Variants in SERGEF observed in about 807,000 individuals in gnomAD.
SERGEF encodes the protein secretion-regulating guanine nucleotide exchange factor.
In SERGEF, 51 loss-of-function variants were observed where a neutral mutation model predicts 50.0. That is an observed-to-expected ratio of 1.02 (90% CI 0.81 to 1.29). SERGEF has a LOEUF of 1.29. Ranked by LOEUF, SERGEF falls within the 50% of genes most tolerant of loss-of-function variation. SERGEF has a pLI of 0.00. For missense variants in SERGEF, 521 were observed against 557.0 expected, an observed-to-expected ratio of 0.94 and a Z score of 0.65; for synonymous variants, 205 against 212.4, an observed-to-expected ratio of 0.97 and a Z score of 0.30.
At chr11:17,833,636 C>T (rs900405798) in intron 10 of SERGEF, among the ~76,000 whole-genome samples, 3 of 152,202 alleles carry the variant, frequency 2.0e-5, no homozygotes, top group African/African-American at 4.8e-5. Context: ...AAGAGGGAGG[C>T]GGTACCCTGC....
chr11:17,989,575 A>C (rs986088333), intron 7 of SERGEF, among the ~76,000 whole-genome samples: 4 of 152,230 alleles, frequency 2.6e-5, no homozygotes, highest in Non-Finnish European at 5.9e-5. Flanking sequence ...ACATTCAAAA[A>C]TATTTTGTAA....
intron 10 of SERGEF, among the ~76,000 whole-genome samples, chr11:17,877,137 C>T (rs908448103): frequency 1.2e-4 from 18 of 152,286 alleles, no homozygotes; most frequent in African/African-American, 3.6e-4. Context: ...TGCTGTGAAT[C>T]GGCAAGAAAT....
At chr11:17,990,272 T>C (rs547848015) in intron 7 of SERGEF, among the ~76,000 whole-genome samples, 2 of 152,328 alleles carry the variant, frequency 1.3e-5, no homozygotes, top group Admixed American at 6.5e-5. Flanking sequence ...CACTTCACAT[T>C]CTAGGTCTGT....
At chr11:17,861,561 G>A (rs189548776) in intron 10 of SERGEF, among the ~76,000 whole-genome samples, 1 of 152,358 alleles carries the variant, frequency 6.6e-6, no homozygotes, top group East Asian at 1.9e-4. Flanking sequence ...GTTACTGTAA[G>A]AATGAAAAGA....
At chr11:17,955,609 G>A (rs565333300) in intron 9 of SERGEF, among the ~76,000 whole-genome samples, 1 of 152,316 alleles carries the variant, frequency 6.6e-6, no homozygotes, top group East Asian at 1.9e-4. Flanking sequence ...AGTCAAAGCT[G>A]AACTGCAAGT....
intron 5 of SERGEF, among the ~76,000 whole-genome samples, chr11:18,000,087 T>C (rs555770227): frequency 5.9e-5 from 9 of 152,350 alleles, no homozygotes; most frequent in South Asian, 4.1e-4. Context: ...GCAGGACCCT[T>C]TGAAATATTT....
At chr11:17,846,539 T>A in intron 10 of SERGEF, 1 of 367,606 alleles carries the variant, frequency 2.7e-6, no homozygotes, top group Non-Finnish European at 5.4e-6. Context: ...TTCTCTGAAG[T>A]ATTGAACAAA....
chr11:17,984,952 A>G (rs1435015803), intron 8 of SERGEF, among the ~76,000 whole-genome samples: 5 of 152,232 alleles, frequency 3.3e-5, no homozygotes, highest in Non-Finnish European at 7.3e-5. Context: ...AGATGTACAC[A>G]ATTACAAATT....
chr11:17,877,373 A>G (rs1851255585), intron 10 of SERGEF, among the ~76,000 whole-genome samples: 1 of 152,262 alleles, frequency 6.6e-6, no homozygotes, highest in Admixed American at 6.5e-5. Flanking sequence ...AACATATAAT[A>G]TCAGGTAATA....
chr11:17,795,932 G>A (rs1445731729), intron 10 of SERGEF, among the ~76,000 whole-genome samples: 1 of 152,220 alleles, frequency 6.6e-6, no homozygotes, highest in Non-Finnish European at 1.5e-5. Flanking sequence ...ACATTCACCA[G>A]TAGAAGATGA....
At chr11:17,990,518 A>G (rs772531232) in intron 7 of SERGEF, among the ~76,000 whole-genome samples, 5 of 152,202 alleles carry the variant, frequency 3.3e-5, no homozygotes, top group Non-Finnish European at 7.3e-5. Flanking sequence ...CTGAGCTACA[A>G]AGATGCCACT....
intron 10 of SERGEF, among the ~76,000 whole-genome samples, chr11:17,844,201 T>C (rs1850558357): frequency 1.3e-5 from 2 of 152,226 alleles, no homozygotes; most frequent in South Asian, 4.1e-4. Context: ...CACAGTCAAA[T>C]GACCTTTAGT....
chr11:17,826,985 A>G (rs1370922998), intron 10 of SERGEF, among the ~76,000 whole-genome samples: 1 of 146,346 alleles, frequency 6.8e-6, no homozygotes, highest in Non-Finnish European at 1.5e-5. Context: ...ATTTGAATTC[A>G]GCCAGTGTTC....
intron 10 of SERGEF, among the ~76,000 whole-genome samples, chr11:17,800,648 A>T (rs570039594): frequency 6.6e-6 from 1 of 152,316 alleles, no homozygotes; most frequent in African/African-American, 2.4e-5. Context: ...AGCTAGTAAT[A>T]TGAGTTATAA....
intron 8 of SERGEF, among the ~76,000 whole-genome samples, chr11:17,979,213 G>A (rs2133987974): frequency 6.6e-6 from 1 of 152,260 alleles, no homozygotes; most frequent in East Asian, 1.9e-4. Flanking sequence ...TCAGCCTAGA[G>A]CCAAGGAACA....
intron 10 of SERGEF, among the ~76,000 whole-genome samples, chr11:17,848,785 G>C (rs539020166): frequency 8.5e-5 from 13 of 152,146 alleles, no homozygotes; most frequent in Non-Finnish European, 8.8e-5. Context: ...AAGAATGCTA[G>C]GATATGAATT....
chr11:17,804,120 G>A (rs1052349101), intron 10 of SERGEF, among the ~76,000 whole-genome samples: 1 of 152,204 alleles, frequency 6.6e-6, no homozygotes, highest in Non-Finnish European at 1.5e-5. Context: ...ACTCTCAGAA[G>A]TAGGACACTA....
intron 8 of SERGEF, among the ~76,000 whole-genome samples, chr11:17,963,399 T>C (rs1249794988): frequency 6.7e-6 from 1 of 149,834 alleles, no homozygotes; most frequent in Non-Finnish European, 1.5e-5. Flanking sequence ...AAAAAAATTT[T>C]TTTTTTGACA....
At chr11:17,851,216 TC>T (rs756615274) in intron 10 of SERGEF, among the ~76,000 whole-genome samples, 101 of 152,196 alleles carry the variant, frequency 6.6e-4, no homozygotes, top group Non-Finnish European at 1.1e-3. Flanking sequence ...TGCTATTATC[TC>T]CAGCTGACAG....
Sources: gnomAD v4.1 joint callset for allele counts (sites outside exome capture counted in the v4.1 genomes callset) on GRCh38, gnomAD v4.1.1 for gene constraint, MANE v1.5 for transcripts, NCBI Gene and HGNC (gene_info 2026-07-23, HGNC 2026-07-21) for gene names.